The following NUMBL variants were observed in gnomAD, a reference collection of about 807,000 sequenced individuals.
NUMBL encodes the protein numb-like protein.
A neutral mutation model predicts 48.9 loss-of-function variants in NUMBL; 20 were observed. That is an observed-to-expected ratio of 0.41 (90% CI 0.29 to 0.59). The LOEUF is 0.59. NUMBL is among the 20% of genes least tolerant of loss of function. The pLI is 0.31. For missense variants in NUMBL, 660 were observed against 846.2 expected (o/e 0.78, Z 2.73); for synonymous variants, 340 against 348.7 (o/e 0.98, Z 0.28).
intron 3 of NUMBL, among the ~76,000 whole-genome samples, chr19:40,683,761 C>CAA (rs11368922): frequency 6.6e-6 from 1 of 151,950 alleles, no homozygotes; most frequent in South Asian, 2.1e-4. Flanking sequence ...TTTGCTGGTA[C>CAA]AAAAAAATGT....
intron 7 of NUMBL, among the ~76,000 whole-genome samples, chr19:40,675,334 TC>T (rs1387982767): frequency 6.6e-6 from 1 of 151,396 alleles, no homozygotes; most frequent in Non-Finnish European, 1.5e-5. Flanking sequence ...AAAAAGATGT[TC>T]TTTTTTTTCC....
Position 40,684,496 on chromosome 19 carries a change from A to G in NUMBL, c.170T>C (p.Val57Ala), listed in dbSNP as rs927002344. 2 of 1,602,012 alleles carry G rather than the reference A, an allele frequency of 1.2e-6. No individual in the cohort carries two copies. Among genetic ancestry groups the G allele is most frequent in the African/African-American group, 2.7e-5 (2 of 74,752 alleles). The part of the protein sequence containing the change: ...QSLRRRKPAY[V>A]PEASRPHQWQ... Reference sequence around the variant, plus strand: ...CTGGTGCGGGCGCGACGCCTCGGGCACGTAGGCTGGCTTCCTCCGCCGCAG... The same window carrying G: ...CTGGTGCGGGCGCGACGCCTCGGGCGCGTAGGCTGGCTTCCTCCGCCGCAG... The change falls in exon 3 of 10, where the codon GTG becomes GCG. Residue 57 changes from valine (V) to alanine (A), a missense_variant. Around this residue, in one of 3 missense-constraint regions of NUMBL, gnomAD observed 278 missense variants for 420.6 expected, o/e 0.66. Coordinates refer to ENST00000252891, the MANE Select transcript of NUMBL (RefSeq NM_004756.5).
chr19:40,688,625 G>A lies in NUMBL; in HGVS notation c.25-1630C>T, dbSNP rs1204716448. Among the ~76,000 whole-genome samples, 1 of 152,086 alleles carries A rather than the reference G, an allele frequency of 6.6e-6. No individual in the cohort carries two copies. The highest frequency in any genetic ancestry group is 1.5e-5 in the Non-Finnish European group (1 of 68,022). On this transcript the variant is annotated intron_variant, in intron 1 of 9. Coordinates refer to ENST00000252891, the MANE Select transcript of NUMBL (RefSeq NM_004756.5). The surrounding 1 kb of genome is among the most constrained non-coding windows in gnomAD (Gnocchi z 4.6). Reference sequence around the variant, plus strand: ...TCTCACAGATGATGACATAGACACAGACATCTATAGTCACCCAGGGTCAGA... The same window carrying A: ...TCTCACAGATGATGACATAGACACAAACATCTATAGTCACCCAGGGTCAGA...
intron 7 of NUMBL, among the ~76,000 whole-genome samples, chr19:40,676,706 AC>A (rs1367319936): frequency 4.6e-5 from 7 of 151,414 alleles, no homozygotes; most frequent in Admixed American, 1.3e-4. Context: ...AAAAAAAAAA[AC>A]AAACAAAAAA....
chr19:40,679,948 T>G (rs1166828235), intron 6 of NUMBL, among the ~76,000 whole-genome samples: 1 of 152,132 alleles, frequency 6.6e-6, no homozygotes, highest in Admixed American at 6.5e-5. Context: ...TTGTACACTT[T>G]TAAATGATTA....
At position 40,677,341 on chromosome 19, in the gene NUMBL, C is replaced by T; in HGVS notation, c.621G>A (p.Gly207=). ...ERKQRREKEC[G]VTAAFDASRT... ...GGCTGGCATCGAAGGCGGCCGTGACCCCACATTCCTTCTCCCGTCGCTGTT... is the reference window on the plus strand; with the variant it reads ...GGCTGGCATCGAAGGCGGCCGTGACTCCACATTCCTTCTCCCGTCGCTGTT... Residue 207 remains glycine (G), a synonymous_variant, in exon 7 of 10, where the codon GGG becomes GGA. Coordinates refer to ENST00000252891, the MANE Select transcript of NUMBL (RefSeq NM_004756.5). 1 of 1,612,378 alleles carries T rather than the reference C, an allele frequency of 6.2e-7. No individual in the cohort carries two copies. The highest frequency in any genetic ancestry group is 8.5e-7 in the Non-Finnish European group (1 of 1,179,942).
chr19:40,690,111 A>G, intron 1 of NUMBL: 1 of 220,144 alleles, frequency 4.5e-6, no homozygotes, highest in Non-Finnish European at 8.9e-6. Flanking sequence ...CGCGTCCTGG[A>G]GGCCTTGGTT....
Position 40,686,920 on chromosome 19 carries a change from T to A in NUMBL, c.100A>T (p.Thr34Ser). Reference sequence around the variant, plus strand: ...CAGGCTGGTCGCTCACCTGGCTCCGTCCTGCAGGTTTCTGGGGGCCCCGGG... The same window carrying A: ...CAGGCTGGTCGCTCACCTGGCTCCGACCTGCAGGTTTCTGGGGGCCCCGGG... ...GAPGPPETCR[T>S]EPDGAGTMNK... Residue 34 changes from threonine (T) to serine (S), a missense_variant, in exon 2 of 10, where the codon ACG becomes TCG. Coordinates refer to ENST00000252891, the MANE Select transcript of NUMBL (RefSeq NM_004756.5). 6.5e-7 allele frequency: 1 copy of A among 1,542,088 alleles called. No homozygotes were observed.
In NUMBL at chr19:40,666,623, A is replaced by G. The variant is rs1327249503; in HGVS notation, c.*845T>C. The G allele has an allele frequency of 6.6e-6, 1 of 152,404 alleles. No individual in the cohort carries two copies. Among genetic ancestry groups the G allele is most frequent in the Non-Finnish European group, 1.5e-5 (1 of 68,004 alleles). The allele number at this position is 152,404 out of a possible 1,614,324, so 9.4% of individuals were successfully genotyped here. A position where few individuals can be genotyped will look rare whatever the true frequency, so the allele number is the denominator to read the frequency against. On this transcript the variant is annotated 3_prime_UTR_variant, in exon 10 of 10. Coordinates refer to ENST00000252891, the MANE Select transcript of NUMBL (RefSeq NM_004756.5). ...CCTTCTGACTCTGTTTCAGTCCATG[A>G]CTCAGGAGGAAAGGTTCTAGGGCCT...
Position 40,667,993 on chromosome 19 carries a change from TTGCTGTTGCTGCTGCTGC to T in NUMBL, c.1287_1304del (p.Gln441_Gln446del). On this transcript the variant is annotated inframe_deletion, in exon 10 of 10. Coordinates refer to ENST00000252891, the MANE Select transcript of NUMBL (RefSeq NM_004756.5). This position sits in a 1 kb window ranked among gnomAD's most constrained non-coding sequence, Gnocchi z 6.1. ...GTTGCTGCTGCTGCTGCTGCTGCTG[TTGCTGTTGCTGCTGCTGC>T]TGCTGCTGGGCCTTGGCCACCTGTG... 4 of 541,344 alleles carry T rather than the reference TTGCTGTTGCTGCTGCTGC, an allele frequency of 7.4e-6. No homozygotes were observed. The East Asian group carries it at 2.7e-4, about 36-fold the overall frequency. 33.5% of individuals were successfully genotyped at this position (541,344 alleles called of 1,614,324 possible).
In NUMBL at chr19:40,690,470, G is replaced by A; in HGVS notation, c.14C>T (p.Ala5Val). 1 of 1,305,950 alleles carries A rather than the reference G, an allele frequency of 7.7e-7. No individual in the cohort carries two copies. The highest frequency in any genetic ancestry group is 2.3e-5 in the South Asian group (1 of 43,424). The allele number at this position is 1,305,950 out of a possible 1,614,324, so 80.9% of individuals were successfully genotyped here. Reference protein sequence around the residue: MSRSAAASGGPRRPE... With the variant: MSRSVAASGGPRRPE... ...TCCCGCCCTTCTCACGCTGGCCGCC[G>A]CGCTGCGGGACATCCAGGGCCCGGG... The change falls in exon 1 of 10, where the codon GCG (alanine) becomes GTG (valine). Residue 5 changes from alanine (A) to valine (V), a missense_variant. This residue lies in a region of NUMBL where 86 missense variants were observed against 85.9 expected (regional missense o/e 1.00). Coordinates refer to ENST00000252891, the MANE Select transcript of NUMBL (RefSeq NM_004756.5).
At position 40,682,837 on chromosome 19, in the gene NUMBL, A is replaced by G. The variant is rs1209472512; in HGVS notation, c.325-35T>C. The G allele has an allele frequency of 1.2e-6, 2 of 1,614,076 alleles. No individual in the cohort carries two copies. The highest frequency in any genetic ancestry group is 1.7e-5 in the Admixed American group (1 of 60,018). On this transcript the variant is annotated intron_variant, in intron 4 of 9. Transcript: ENST00000252891. This position sits in a 1 kb window ranked among gnomAD's most constrained non-coding sequence, Gnocchi z 4.0. ...GGCAAGGGGACAAAGGAGCCGGGTCAGGGTGCCTCTCCCTGTCTGACCTTG... is the reference window on the plus strand; with the variant it reads ...GGCAAGGGGACAAAGGAGCCGGGTCGGGGTGCCTCTCCCTGTCTGACCTTG...
At chr19:40,678,265 C>T (rs1250841185) in intron 6 of NUMBL, among the ~76,000 whole-genome samples, 2 of 152,124 alleles carry the variant, frequency 1.3e-5, no homozygotes, top group African/African-American at 4.8e-5. Context: ...CGGCTTCAAG[C>T]GATTCTCCTG....
intron 7 of NUMBL, among the ~76,000 whole-genome samples, chr19:40,674,689 C>A (rs1198409246): frequency 6.6e-6 from 1 of 152,194 alleles, no homozygotes. Flanking sequence ...ACCAGGAAAC[C>A]TCCTCTGCCT....
At position 40,677,302 on chromosome 19, in the gene NUMBL, G is replaced by A. The variant is rs760822078; in HGVS notation, c.660C>T (p.Ala220=). 1 of 1,611,022 alleles carries A rather than the reference G, an allele frequency of 6.2e-7. No homozygotes were observed. Among genetic ancestry groups the A allele is most frequent in the East Asian group, 2.2e-5 (1 of 44,822 alleles). Residue 220 remains alanine, a synonymous_variant, in exon 7 of 10, where the codon GCC becomes GCT. Coordinates refer to ENST00000252891, the MANE Select transcript of NUMBL (RefSeq NM_004756.5). ...CAGACAGGCGGAAGGAGCCCTCGCG[G>A]GCGAAGCTGGTGCGGCTGGCATCGA... ...AAFDASRTSF[A]REGSFRLSGG... is the part of the protein sequence containing the mutation.
intron 6 of NUMBL, 61 bp from the exon 7 acceptor site, chr19:40,677,482 G>A (rs1175429574): frequency 6.6e-7 from 1 of 1,504,790 alleles, no homozygotes; most frequent in Non-Finnish European, 9.0e-7. Flanking sequence ...AGGGGCCAGG[G>A]GCACTGGGTT....
At chr19:40,681,479 C>T (rs1568430750) in intron 5 of NUMBL, among the ~76,000 whole-genome samples, 1 of 152,082 alleles carries the variant, frequency 6.6e-6, no homozygotes, top group African/African-American at 2.4e-5. Context: ...GTTATTAACC[C>T]AACTCTCAGC....
In NUMBL at chr19:40,688,781, G is replaced by T. The variant is rs1260626408; in HGVS notation, c.24+1679C>A. 6.6e-6 allele frequency among the ~76,000 whole-genome samples: 1 copy of T among 152,172 alleles called. No homozygotes were observed. Among genetic ancestry groups the T allele is most frequent in the Non-Finnish European group, 1.5e-5 (1 of 68,028 alleles). ...CACAAATAATCCCTCTAAATAGCCAGGGTTTCAGACACCAAGTCAAATACA... is the reference window on the plus strand; with the variant it reads ...CACAAATAATCCCTCTAAATAGCCATGGTTTCAGACACCAAGTCAAATACA... On this transcript the variant is annotated intron_variant, in intron 1 of 9. Transcript: ENST00000252891. This position sits in a 1 kb window ranked among gnomAD's most constrained non-coding sequence, Gnocchi z 4.6.
chr19:40,684,174 T>C, intron 3 of NUMBL: 1 of 441,620 alleles, frequency 2.3e-6, no homozygotes. Flanking sequence ...GTTCAAGCGA[T>C]TCTCCTGTCT....
Sources: allele counts gnomAD v4.1 joint callset (sites outside exome capture counted in the v4.1 genomes callset), GRCh38; gene constraint gnomAD v4.1.1; regional missense constraint gnomAD v4.1.1; non-coding constraint Gnocchi (gnomAD v3.1); transcripts MANE v1.5; gene names NCBI Gene and HGNC (gene_info 2026-07-23, HGNC 2026-07-21).